PPFIA2: variants seen among roughly 807,000 people sequenced by gnomAD.
The protein encoded by PPFIA2 is liprin-alpha-2.
PPFIA2 carries 46 observed loss-of-function variants against 175.5 expected under a neutral mutation model. The observed-to-expected ratio is 0.26, with a 90% CI of 0.21 to 0.34. PPFIA2 has a LOEUF of 0.34. Among genes scored for constraint, PPFIA2 ranks in the 10% least tolerant of loss-of-function variants. PPFIA2 has a pLI of 1.00. For synonymous variants in PPFIA2, 568 were observed against 511.4 expected (o/e 1.11, Z -1.49); for missense variants, 1,179 against 1,506.1 (o/e 0.78, Z 3.60).
At chr12:81,423,723 A>G (rs188859537) in intron 7 of PPFIA2, among the ~76,000 whole-genome samples, 14 of 152,292 alleles carry the variant, frequency 9.2e-5, no homozygotes, top group Non-Finnish European at 1.8e-4. Context: ...TCTTTTTGAC[A>G]TAGTACTGAA....
At chr12:81,466,266 C>G (rs1340840221) in intron 4 of PPFIA2, among the ~76,000 whole-genome samples, 1 of 152,042 alleles carries the variant, frequency 6.6e-6, no homozygotes, top group African/African-American at 2.4e-5. Flanking sequence ...GCTTTTTGGT[C>G]TTTTTCCTAA....
intron 8 of PPFIA2, among the ~76,000 whole-genome samples, chr12:81,391,644 T>A (rs146342409): frequency 3.7e-4 from 57 of 152,006 alleles, no homozygotes; most frequent in African/African-American, 1.3e-3. Flanking sequence ...GGTTGCCAGA[T>A]GAAATATAGG....
intron 22 of PPFIA2, among the ~76,000 whole-genome samples, chr12:81,317,510 A>AGAT (rs1555256698): frequency 6.6e-6 from 1 of 150,930 alleles, no homozygotes; most frequent in African/African-American, 2.4e-5. Flanking sequence ...GATTTGAGAG[A>AGAT]TTTTTTTTAA....
intron 4 of PPFIA2, among the ~76,000 whole-genome samples, chr12:81,622,086 TGAA>T (rs2062107974): frequency 6.6e-6 from 1 of 152,168 alleles, no homozygotes; most frequent in African/African-American, 2.4e-5. Context: ...GTTTCACCAG[TGAA>T]GCAGCCCTCT....
At chr12:81,518,037 T>A (rs1183371341) in intron 4 of PPFIA2, among the ~76,000 whole-genome samples, 1 of 152,062 alleles carries the variant, frequency 6.6e-6, no homozygotes, top group Non-Finnish European at 1.5e-5. Flanking sequence ...CATGTATACA[T>A]ATGCAACAAA....
At chr12:81,665,192 T>G (rs1483564095) in intron 4 of PPFIA2, among the ~76,000 whole-genome samples, 1 of 151,878 alleles carries the variant, frequency 6.6e-6, no homozygotes, top group East Asian at 1.9e-4. Flanking sequence ...GTAATAAAAA[T>G]AAACGTGAAA....
At chr12:81,342,360 TC>T (rs1042279211) in intron 19 of PPFIA2, among the ~76,000 whole-genome samples, 1 of 152,106 alleles carries the variant, frequency 6.6e-6, no homozygotes, top group Non-Finnish European at 1.5e-5. Context: ...TGAAAAAAGT[TC>T]TTAGTATGGC....
At chr12:81,270,527 A>C (rs761167550) in intron 28 of PPFIA2, 1 of 152,212 alleles carries the variant, frequency 6.6e-6, no homozygotes, top group Non-Finnish European at 1.5e-5. Flanking sequence ...ACATGCACAC[A>C]TGGAGAGCAT....
intron 22 of PPFIA2, among the ~76,000 whole-genome samples, chr12:81,303,706 A>G (rs1012225247): frequency 1.3e-5 from 2 of 152,192 alleles, no homozygotes; most frequent in African/African-American, 4.8e-5. Context: ...AAATGTGCAG[A>G]GGGAAGTCTG....
intron 4 of PPFIA2, among the ~76,000 whole-genome samples, chr12:81,466,931 A>G (rs1045166107): frequency 6.8e-6 from 1 of 147,710 alleles, no homozygotes; most frequent in Admixed American, 6.8e-5. Flanking sequence ...AATGTAATAA[A>G]TAATATACAT....
chr12:81,282,911 T>G (rs117109468), intron 26 of PPFIA2, 99 bp downstream of exon 26: 25,592 of 1,039,824 alleles, frequency 0.025, 544 homozygotes, highest in Non-Finnish European at 0.026. Flanking sequence ...TTGAGCTAAG[T>G]GAAGGTTTAC....
At position 81,347,687 on chromosome 12, in the gene PPFIA2, A is replaced by T; in HGVS notation, c.2078T>A (p.Leu693Gln). The stretch of plus-strand genomic sequence containing the variant: ...ACCTGGGTGGACCCTTGCCAAATTC[A>T]GGCCTTCGAGGCTCACACTAGCCAC... ...NRVASVSLEG[L>Q]NLARVHPGTS... Residue 693 changes from leucine (L) to glutamine (Q), a missense_variant, in exon 18 of 33, where the codon CTG (leucine) becomes CAG (glutamine). Around this residue, in one of 10 missense-constraint regions of PPFIA2, gnomAD observed 223 missense variants for 241.6 expected, o/e 0.92. Transcript: ENST00000549396. 6.2e-7 allele frequency: 1 copy of T among 1,613,888 alleles called. No individual in the cohort carries two copies. Among genetic ancestry groups the T allele is most frequent in the Non-Finnish European group, 8.5e-7 (1 of 1,179,822 alleles).
intron 3 of PPFIA2, among the ~76,000 whole-genome samples, chr12:81,732,503 T>C (rs1399690571): frequency 2.7e-5 from 3 of 109,612 alleles, no homozygotes; most frequent in Non-Finnish European, 6.4e-5. Flanking sequence ...ATATGGATGA[T>C]GTTTTTTTTT....
intron 4 of PPFIA2, among the ~76,000 whole-genome samples, chr12:81,610,127 G>T (rs1461393175): frequency 3.9e-5 from 6 of 152,100 alleles, no homozygotes; most frequent in Non-Finnish European, 5.9e-5. Flanking sequence ...TTTCTGCTAA[G>T]AGGTCTTTTG....
chr12:81,273,886 C>G (rs964226583), intron 28 of PPFIA2, among the ~76,000 whole-genome samples: 1 of 151,094 alleles, frequency 6.6e-6, no homozygotes, highest in Non-Finnish European at 1.5e-5. Flanking sequence ...TCTCCCCGCC[C>G]CCCCCCAAAC....
intron 4 of PPFIA2, among the ~76,000 whole-genome samples, chr12:81,500,103 A>C (rs987909092): frequency 2.0e-5 from 3 of 152,124 alleles, no homozygotes; most frequent in Non-Finnish European, 4.4e-5. Context: ...TCACGGCCTC[A>C]TGTTTTCCCG....
chr12:81,577,527 C>T (rs1241406394), intron 4 of PPFIA2, among the ~76,000 whole-genome samples: 2 of 151,776 alleles, frequency 1.3e-5, no homozygotes, highest in Non-Finnish European at 1.5e-5. Context: ...CACCTGTTGA[C>T]AAACAACATA....
At chr12:81,718,537 G>A (rs1009354150) in intron 3 of PPFIA2, among the ~76,000 whole-genome samples, 3 of 151,554 alleles carry the variant, frequency 2.0e-5, no homozygotes, top group Non-Finnish European at 4.4e-5. Context: ...AGTGCTACAA[G>A]TATGTGCATT....
At chr12:81,571,778 CTG>C (rs2072591102) in intron 4 of PPFIA2, among the ~76,000 whole-genome samples, 1 of 152,076 alleles carries the variant, frequency 6.6e-6, no homozygotes, top group South Asian at 2.1e-4. Context: ...AGTACTATAA[CTG>C]TTTTTCACTT....
Sources: gnomAD v4.1 joint callset for allele counts (sites outside exome capture counted in the v4.1 genomes callset) on GRCh38, gnomAD v4.1.1 for gene constraint, gnomAD v4.1.1 regional missense constraint, MANE v1.5 for transcripts, NCBI Gene and HGNC (gene_info 2026-07-23, HGNC 2026-07-21) for gene names.